Variants in ADAMTSL1 observed in about 807,000 individuals in gnomAD.
The protein encoded by ADAMTSL1 is ADAMTS-like protein 1.
Under a neutral mutation model 201.8 loss-of-function variants are expected in ADAMTSL1, and 126 were observed. That is an observed-to-expected ratio of 0.62 (90% CI 0.54 to 0.72). ADAMTSL1 has a LOEUF of 0.72. Ranked by LOEUF, ADAMTSL1 falls within the 30% of genes least tolerant of loss-of-function variation. The probability of loss-of-function intolerance (pLI) is 0.00; values close to 1 mark genes in which losing one functional copy is unlikely to be tolerated. For synonymous variants in ADAMTSL1, 1,121 were observed against 903.4 expected (o/e 1.24, Z -4.32); for missense variants, 2,679 against 2,277.8 (o/e 1.18, Z -3.59).
At chr9:17,975,182 A>G (rs1818394515) in intron 1 of ADAMTSL1, among the ~76,000 whole-genome samples, 2 of 151,930 alleles carry the variant, frequency 1.3e-5, no homozygotes, top group African/African-American at 4.8e-5. Flanking sequence ...ATGTCCATTC[A>G]GGTTCTTTGG....
intron 1 of ADAMTSL1, among the ~76,000 whole-genome samples, chr9:18,069,198 CTT>C (rs1393461454): frequency 2.0e-5 from 3 of 152,058 alleles, no homozygotes; most frequent in Non-Finnish European, 4.4e-5. Flanking sequence ...ATCTCAAAGA[CTT>C]AGTATAAAAA....
rs114189341 is a variant in ADAMTSL1, at chr9:18,340,614, G to A, written c.208-164215G>A. Reference sequence around the variant, plus strand: ...TTGTAGTAATCTCCATGTGTTGTGGGAGGGACCAGGTGGGAGGTAATTGAA... The same window carrying A: ...TTGTAGTAATCTCCATGTGTTGTGGAAGGGACCAGGTGGGAGGTAATTGAA... On this transcript the variant is annotated intron_variant, in intron 2 of 29. Transcript: ENST00000680146. Among the ~76,000 whole-genome samples the A allele has an allele frequency of 2.9e-3, 440 of 152,228 alleles. 3 individuals are homozygous for A. Among genetic ancestry groups the A allele is most frequent in the African/African-American group, 0.01 (422 of 41,554 alleles).
At chr9:18,286,901 C>T (rs1441261654) in intron 2 of ADAMTSL1, among the ~76,000 whole-genome samples, 2 of 152,118 alleles carry the variant, frequency 1.3e-5, no homozygotes, top group African/African-American at 4.8e-5. Context: ...ATATTCCTTT[C>T]AACTGCAATG....
intron 2 of ADAMTSL1, among the ~76,000 whole-genome samples, chr9:18,432,609 G>C (rs957950543): frequency 6.6e-6 from 1 of 152,086 alleles, no homozygotes; most frequent in African/African-American, 2.4e-5. Flanking sequence ...TAGTAGAAAT[G>C]AGCACTAGAT....
chr9:18,616,525 A>C (rs1488707387), intron 4 of ADAMTSL1, among the ~76,000 whole-genome samples: 1 of 151,786 alleles, frequency 6.6e-6, no homozygotes, highest in Admixed American at 6.6e-5. Flanking sequence ...GTGGTTTTTG[A>C]TTTATTCATT....
chr9:18,011,404 A>G (rs545457063), intron 1 of ADAMTSL1, among the ~76,000 whole-genome samples: 2 of 151,980 alleles, frequency 1.3e-5, no homozygotes, highest in African/African-American at 4.8e-5. Context: ...GTGGTCAGCA[A>G]TGGTCTGTTT....
intron 23 of ADAMTSL1, among the ~76,000 whole-genome samples, chr9:18,874,341 A>G (rs1168700119): frequency 6.6e-6 from 1 of 152,132 alleles, no homozygotes; most frequent in Non-Finnish European, 1.5e-5. Flanking sequence ...TATGTTGAAG[A>G]GAAGCGGTAA....
intron 1 of ADAMTSL1, among the ~76,000 whole-genome samples, chr9:18,113,452 G>A (rs1777876626): frequency 6.6e-6 from 1 of 152,132 alleles, no homozygotes; most frequent in African/African-American, 2.4e-5. Context: ...GTACAGATGA[G>A]GCAGAAGAAA....
intron 1 of ADAMTSL1, among the ~76,000 whole-genome samples, chr9:18,070,788 T>C (rs1420935081): frequency 2.0e-5 from 3 of 151,996 alleles, no homozygotes; most frequent in Non-Finnish European, 2.9e-5. Context: ...TGGGATGGTG[T>C]GGAGATGATG....
chr9:18,305,085 C>G (rs1048612535), intron 2 of ADAMTSL1, among the ~76,000 whole-genome samples: 1 of 152,160 alleles, frequency 6.6e-6, no homozygotes, highest in Non-Finnish European at 1.5e-5. Context: ...GGCATTGCCT[C>G]ACCGGGAAAG....
At chr9:18,820,296 G>C (rs1426571594) in intron 21 of ADAMTSL1, among the ~76,000 whole-genome samples, 2 of 152,182 alleles carry the variant, frequency 1.3e-5, no homozygotes, top group African/African-American at 4.8e-5. Context: ...GAAGCTCACA[G>C]TCTGGGAAGG....
intron 2 of ADAMTSL1, among the ~76,000 whole-genome samples, chr9:18,359,830 C>A (rs1160499151): frequency 8.8e-6 from 1 of 114,180 alleles, no homozygotes; most frequent in African/African-American, 3.3e-5. Context: ...CCCACCCGCC[C>A]CCCCGCCCAC....
chr9:18,873,451 G>C (rs1827975874), intron 23 of ADAMTSL1, among the ~76,000 whole-genome samples: 1 of 152,120 alleles, frequency 6.6e-6, no homozygotes, highest in Non-Finnish European at 1.5e-5. Flanking sequence ...TTAAGTCCTT[G>C]ATCCATTTTG....
chr9:18,905,803 C>A lies in ADAMTSL1; in HGVS notation c.4873C>A (p.Pro1625Thr), dbSNP rs1438542547. 1 of 1,613,378 alleles carries A rather than the reference C, an allele frequency of 6.2e-7. No individual in the cohort carries two copies. Residue 1625 changes from proline (P) to threonine (T), a missense_variant, in exon 27 of 29, where the codon CCT becomes ACT. Coordinates refer to ENST00000380548, the MANE Select transcript of ADAMTSL1 (RefSeq NM_001040272.6). ...CCAGTGCAATGGGCCTTGCATCGGG[C>A]CTCACCTAGCTGTGCAACACAGACA... ...WGQCNGPCIG[P>T]HLAVQHRQVF...
chr9:18,094,885 G>T (rs952078871), intron 1 of ADAMTSL1, among the ~76,000 whole-genome samples: 7 of 151,914 alleles, frequency 4.6e-5, no homozygotes, highest in African/African-American at 1.7e-4. Context: ...TCTTAAAGAT[G>T]ACTCTGCCTC....
intron 3 of ADAMTSL1, among the ~76,000 whole-genome samples, chr9:18,540,538 C>T (rs377548668): frequency 1.2e-4 from 19 of 152,228 alleles, no homozygotes; most frequent in African/African-American, 4.1e-4. Context: ...GTCATTTTAT[C>T]AGGTGCAGTA....
chr9:18,084,119 G>A (rs1488340761), intron 1 of ADAMTSL1, among the ~76,000 whole-genome samples: 3 of 152,154 alleles, frequency 2.0e-5, no homozygotes, highest in East Asian at 3.9e-4. Context: ...TTTGCCATGC[G>A]AGAATCAATT....
intron 2 of ADAMTSL1, among the ~76,000 whole-genome samples, chr9:18,342,520 A>G (rs1835510460): frequency 1.3e-5 from 2 of 152,156 alleles, no homozygotes; most frequent in Admixed American, 1.3e-4. Context: ...TCTAAGTTAG[A>G]GAATTATATT....
intron 8 of ADAMTSL1, among the ~76,000 whole-genome samples, chr9:18,658,164 C>T (rs1587822717): frequency 2.0e-5 from 3 of 152,192 alleles, no homozygotes; most frequent in South Asian, 4.2e-4. Flanking sequence ...TTAGTACGGA[C>T]GGGGTTTCCC....
Sources: allele counts gnomAD v4.1 joint callset (sites outside exome capture counted in the v4.1 genomes callset), GRCh38; gene constraint gnomAD v4.1.1; transcripts MANE v1.5; gene names NCBI Gene and HGNC (gene_info 2026-07-23, HGNC 2026-07-21).